The following THSD7A variants were observed in gnomAD, a reference collection of about 807,000 sequenced individuals.
THSD7A encodes the protein thrombospondin type 1 domain containing 7A.
Under a neutral mutation model 231.3 loss-of-function variants are expected in THSD7A, and 96 were observed. That is an observed-to-expected ratio of 0.41 (90% CI 0.35 to 0.49). The LOEUF (loss-of-function observed/expected upper bound fraction) is 0.49, where lower values mean the gene tolerates loss of function less well. Among genes scored for constraint, THSD7A ranks in the 20% least tolerant of loss-of-function variants. THSD7A has a pLI of 0.05. For missense variants in THSD7A, 2,290 were observed against 2,070.2 expected (o/e 1.11, Z -2.06); for synonymous variants, 940 against 743.3 (o/e 1.26, Z -4.30).
chr7:11,488,913 C>T (rs1313089715), intron 6 of THSD7A, among the ~76,000 whole-genome samples: 1 of 151,960 alleles, frequency 6.6e-6, no homozygotes, highest in Non-Finnish European at 1.5e-5. Context: ...GTGTCCCCAT[C>T]TCTCGCTGTC....
rs1199816310 is a variant in THSD7A, at chr7:11,406,538, T to G, written c.4063-64A>C. ...AATACTTCATTAGAGAGCTCATCAC[T>G]TAGTTATCTCTGCACCACTGACTTT... On this transcript the variant is annotated intron_variant, in intron 21 of 27. Transcript: ENST00000423059. This position sits in a 1 kb window ranked among gnomAD's most constrained non-coding sequence, Gnocchi z 4.7. 3 of 1,455,258 alleles carry G rather than the reference T, an allele frequency of 2.1e-6. No individual in the cohort carries two copies. In the Admixed American group the frequency reaches 7.3e-5, roughly 35 times the overall value. 90.1% of individuals were successfully genotyped at this position (1,455,258 alleles called of 1,614,324 possible).
intron 22 of THSD7A, among the ~76,000 whole-genome samples, chr7:11,404,346 T>C (rs1195694431): frequency 1.3e-5 from 2 of 152,162 alleles, no homozygotes; most frequent in African/African-American, 4.8e-5. Context: ...GGAGTGTCCA[T>C]AGTAAGGCAT....
At chr7:11,677,583 G>C (rs1430111765) in intron 1 of THSD7A, among the ~76,000 whole-genome samples, 2 of 7,046 alleles carry the variant, frequency 2.8e-4, no homozygotes, top group Non-Finnish European at 4.4e-4. Flanking sequence ...CAAATGGAAA[G>C]CAAAAAAAAA....
intron 1 of THSD7A, among the ~76,000 whole-genome samples, chr7:11,648,449 T>C (rs1782366697): frequency 6.6e-6 from 1 of 151,978 alleles, no homozygotes; most frequent in South Asian, 2.1e-4. Context: ...TTTGTTGTTG[T>C]TCTGTGTGGG....
intron 23 of THSD7A, among the ~76,000 whole-genome samples, chr7:11,400,624 T>C (rs532819318): frequency 1.3e-5 from 2 of 152,336 alleles, no homozygotes; most frequent in Non-Finnish European, 2.9e-5. Context: ...TCTTTACTTA[T>C]CCTATGCTGG....
At chr7:11,487,680 C>T (rs1786715358) in intron 6 of THSD7A, among the ~76,000 whole-genome samples, 1 of 151,954 alleles carries the variant, frequency 6.6e-6, no homozygotes, top group Non-Finnish European at 1.5e-5. Flanking sequence ...GAAAGGCATG[C>T]CTTACATGGT....
At chr7:11,384,343 C>A (rs1463386928) in intron 23 of THSD7A, 2 of 151,424 alleles carry the variant, frequency 1.3e-5, no homozygotes, top group African/African-American at 4.8e-5. Flanking sequence ...GTCCTGTAAC[C>A]TTCTACTGTG....
chr7:11,447,723 G>A (rs1785019305), intron 11 of THSD7A, among the ~76,000 whole-genome samples: 1 of 152,078 alleles, frequency 6.6e-6, no homozygotes, highest in Admixed American at 6.6e-5. Flanking sequence ...GTCACATGTA[G>A]GGTATATTTA....
At chr7:11,629,961 A>G (rs17164937) in intron 2 of THSD7A, among the ~76,000 whole-genome samples, 4,031 of 152,276 alleles carry the variant, frequency 0.026, 166 homozygotes, top group African/African-American at 0.086. Context: ...ACAGATGAGA[A>G]AGCTGGGTCC....
chr7:11,744,363 T>C (rs75976787), intron 1 of THSD7A, among the ~76,000 whole-genome samples: 4,082 of 152,048 alleles, frequency 0.027, 201 homozygotes, highest in African/African-American at 0.094. Context: ...TTATTTGTTT[T>C]CACTTAAAAT....
At position 11,636,173 on chromosome 7, in the gene THSD7A, C is replaced by T. The variant is rs1341868418; in HGVS notation, c.979G>A (p.Glu327Lys). ...CCCGTCTTGTTAATGCACATAACCTCTCTGGTCTGATATCCAATCTGGATG... is the reference window on the plus strand; with the variant it reads ...CCCGTCTTGTTAATGCACATAACCTTTCTGGTCTGATATCCAATCTGGATG... Reference protein sequence around the residue: ...WDIQIGYQTREVMCINKTGKA... With the variant: ...WDIQIGYQTRKVMCINKTGKA... The change falls in exon 2 of 28, where the codon GAG becomes AAG. Residue 327 changes from glutamate (E) to lysine (K), a missense_variant. By Grantham distance (56) the Glu-to-Lys change is moderately conservative (BLOSUM62 1). Transcript: ENST00000423059. This position sits in a 1 kb window ranked among gnomAD's most constrained non-coding sequence, Gnocchi z 10.0. 1 of 1,613,980 alleles carries T rather than the reference C, an allele frequency of 6.2e-7. No individual in the cohort carries two copies. Among genetic ancestry groups the T allele is most frequent in the Non-Finnish European group, 8.5e-7 (1 of 1,179,894 alleles).
intron 1 of THSD7A, among the ~76,000 whole-genome samples, chr7:11,802,077 G>A (rs984861573): frequency 3.9e-5 from 6 of 152,116 alleles, no homozygotes; most frequent in African/African-American, 1.2e-4. Flanking sequence ...CCGTCACAAG[G>A]CTGACAATTT....
chr7:11,490,600 G>GA (rs1325540899), intron 6 of THSD7A, among the ~76,000 whole-genome samples: 1 of 152,014 alleles, frequency 6.6e-6, no homozygotes, highest in Non-Finnish European at 1.5e-5. Flanking sequence ...CATGTATTTT[G>GA]AATAAAGGTG....
At chr7:11,687,350 C>T (rs967150385) in intron 1 of THSD7A, among the ~76,000 whole-genome samples, 1 of 151,850 alleles carries the variant, frequency 6.6e-6, no homozygotes, top group Non-Finnish European at 1.5e-5. Context: ...GAATGACTGT[C>T]CTATGATAGA....
chr7:11,423,018 A>G (rs543194634), intron 16 of THSD7A, among the ~76,000 whole-genome samples: 2 of 152,182 alleles, frequency 1.3e-5, no homozygotes, highest in South Asian at 4.2e-4. Flanking sequence ...TTTATTTTGA[A>G]GAAAAAAAAT....
chr7:11,603,734 T>C (rs967774214), intron 2 of THSD7A, among the ~76,000 whole-genome samples: 1 of 151,528 alleles, frequency 6.6e-6, no homozygotes, highest in African/African-American at 2.4e-5. Flanking sequence ...TGTAGGGACA[T>C]GGATGAAATT....
chr7:11,756,052 C>T (rs1782664110), intron 1 of THSD7A, among the ~76,000 whole-genome samples: 1 of 152,024 alleles, frequency 6.6e-6, no homozygotes, highest in Non-Finnish European at 1.5e-5. Context: ...TATCTCATAG[C>T]AACATTATCA....
chr7:11,430,272 C>T (rs565610935), intron 13 of THSD7A, among the ~76,000 whole-genome samples: 1 of 152,204 alleles, frequency 6.6e-6, no homozygotes, highest in Admixed American at 6.5e-5. Context: ...ATGTTTGCTG[C>T]GTTGTGCAAC....
chr7:11,463,638 C>T (rs531158373), intron 9 of THSD7A, among the ~76,000 whole-genome samples: 21 of 152,114 alleles, frequency 1.4e-4, no homozygotes, highest in South Asian at 8.3e-4. Context: ...AATGAATAAG[C>T]GGGATACTAC....
Sources: gnomAD v4.1 joint callset for allele counts (sites outside exome capture counted in the v4.1 genomes callset) on GRCh38, gnomAD v4.1.1 for gene constraint, Gnocchi (gnomAD v3.1) non-coding constraint, MANE v1.5 for transcripts, NCBI Gene and HGNC (gene_info 2026-07-23, HGNC 2026-07-21) for gene names.